CEP290: variants seen among roughly 807,000 people sequenced by gnomAD.
The protein encoded by CEP290 is centrosomal protein 290.
In CEP290, 317 loss-of-function variants were observed where a neutral mutation model predicts 344.9. The ratio of observed to expected loss-of-function variants is 0.92; its 90% CI spans 0.84 to 1.01. The LOEUF (loss-of-function observed/expected upper bound fraction) is 1.01, where lower values mean the gene tolerates loss of function less well. Ranked by LOEUF, CEP290 falls within the 50% of genes least tolerant of loss-of-function variation. The pLI is 0.00. For synonymous variants in CEP290, 932 were observed against 895.8 expected (o/e 1.04, Z -0.72); for missense variants, 2,754 against 2,761.4 (o/e 1.00, Z 0.06).
In CEP290 at chr12:88,071,890, T is replaced by TA. The variant is rs751361090; in HGVS notation, c.5745dup (p.Lys1916Ter). ...CCTTCTATTTTGGCTTGCCACTTTT[T>TA]ACCTTCTTCCCACCTAATTAATTCT... On this transcript the variant is annotated frameshift_variant, in exon 42 of 54. Coordinates refer to ENST00000552810, the MANE Select transcript of CEP290 (RefSeq NM_025114.4). LOFTEE classifies it high-confidence loss of function. The TA allele has an allele frequency of 7.5e-6, 12 of 1,603,450 alleles. No individual in the cohort carries two copies. The South Asian group carries it at 1.4e-4, about 18-fold the overall frequency.
intron 42 of CEP290, 142 bp downstream of exon 42, chr12:88,071,639 A>G: frequency 3.5e-6 from 3 of 855,700 alleles, no homozygotes; most frequent in Non-Finnish European, 3.4e-6. Context: ...TAAAGAAAAT[A>G]AAAAGTAAGT....
Position 88,080,246 on chromosome 12 carries a change from G to A in CEP290, c.5162C>T (p.Thr1721Ile). The A allele has an allele frequency of 1.9e-6, 3 of 1,613,358 alleles. No individual in the cohort carries two copies. Among genetic ancestry groups the A allele is most frequent in the Non-Finnish European group, 1.7e-6 (2 of 1,179,632 alleles). ...QKEANSRAPT[T>I]TMRNLVERLK... is the part of the protein sequence containing the mutation. ...CCGTTCTACTAGATTTCTCATTGTA[G>A]TTGTTGGAGCTCTTGAATTTGCTTC... The change falls in exon 38 of 54, where the codon ACT becomes ATT. Residue 1721 changes from threonine (T) to isoleucine (I), a missense_variant. Coordinates refer to ENST00000552810, the MANE Select transcript of CEP290 (RefSeq NM_025114.4).
Position 88,129,895 on chromosome 12 carries a change from C to A in CEP290, c.670-19G>T. 1 of 1,346,706 alleles carries A rather than the reference C, an allele frequency of 7.4e-7. No homozygotes were observed. Among genetic ancestry groups the A allele is most frequent in the East Asian group, 2.9e-5 (1 of 34,480 alleles). The allele number at this position is 1,346,706 out of a possible 1,614,324, so 83.4% of individuals were successfully genotyped here. On this transcript the variant is annotated intron_variant, in intron 9 of 53. Transcript: ENST00000552810. ...TTAAAGTCTAAAAAAGTTAAAGACACTATAATTAAAAAGTAATTTTAAAAA... is the reference window on the plus strand; with the variant it reads ...TTAAAGTCTAAAAAAGTTAAAGACAATATAATTAAAAAGTAATTTTAAAAA...
At chr12:88,116,065 G>T in intron 18 of CEP290, 1 of 985,156 alleles carries the variant, frequency 1.0e-6, no homozygotes, top group South Asian at 4.7e-5. Flanking sequence ...GCAGATTTTT[G>T]CCTAAGTGAT....
chr12:88,141,098 CCA>C (rs1321872409), intron 2 of CEP290, 65 bp from the exon 3 acceptor site: 10 of 1,354,278 alleles, frequency 7.4e-6, no homozygotes, highest in Non-Finnish European at 9.9e-6. Context: ...AAGAACACTT[CCA>C]GATTGTGACA....
At position 88,086,334 on chromosome 12, in the gene CEP290, G is replaced by A. The variant is rs2036570136; in HGVS notation, c.4302+57C>T. On this transcript the variant is annotated intron_variant, in intron 33 of 53. Transcript: ENST00000552810. ...TACATCTGATACAGGAAATATTTCT[G>A]TGAGTTAACACTCTAGACTATGCTA... 7 of 1,453,912 alleles carry A rather than the reference G, an allele frequency of 4.8e-6. No homozygotes were observed. In the South Asian group the frequency reaches 9.5e-5, roughly 20 times the overall value. 90.1% of individuals were successfully genotyped at this position (1,453,912 alleles called of 1,614,324 possible). A position where few individuals can be genotyped will look rare whatever the true frequency, so the allele number is the denominator to read the frequency against.
intron 12 of CEP290, among the ~76,000 whole-genome samples, 153 bp from the exon 13 acceptor site, chr12:88,125,522 G>A (rs912634830): frequency 6.6e-6 from 1 of 151,782 alleles, no homozygotes; most frequent in African/African-American, 2.4e-5. Context: ...CACTTCAACT[G>A]TAATACACAA....
At chr12:88,119,762 T>C (rs572563247) in intron 15 of CEP290, among the ~76,000 whole-genome samples, 7 of 152,294 alleles carry the variant, frequency 4.6e-5, no homozygotes, top group Admixed American at 1.3e-4. Context: ...CAAGAGCATT[T>C]TGCAAACAAA....
At chr12:88,129,614 A>T in intron 10 of CEP290, 80 bp downstream of exon 10, 1 of 799,228 alleles carries the variant, frequency 1.3e-6, no homozygotes, top group Non-Finnish European at 1.9e-6. Context: ...TCCTAGAAAA[A>T]GTACTTTCTA....
intron 22 of CEP290, among the ~76,000 whole-genome samples, 161 bp downstream of exon 22, chr12:88,111,041 A>G (rs2038651594): frequency 6.6e-6 from 1 of 152,226 alleles, no homozygotes; most frequent in Non-Finnish European, 1.5e-5. Context: ...ACTCAGGAAT[A>G]CATGAAGACT....
chr12:88,054,481 C>A (rs1039324240), intron 50 of CEP290, 68 bp from the exon 51 acceptor site: 3 of 1,191,410 alleles, frequency 2.5e-6, no homozygotes, highest in Non-Finnish European at 3.6e-6. Flanking sequence ...TAAAGATACA[C>A]ATTTTTAACA....
chr12:88,130,194 A>ATAT, intron 9 of CEP290, 74 bp downstream of exon 9: 2 of 1,355,232 alleles, frequency 1.5e-6, no homozygotes, highest in Non-Finnish European at 2.0e-6. Flanking sequence ...GTAGGGCTAA[A>ATAT]TATTATATTT....
chr12:88,058,994 C>T lies in CEP290; in HGVS notation c.6672G>A (p.Arg2224=), dbSNP rs778031524. The T allele has an allele frequency of 1.2e-6, 2 of 1,611,592 alleles. No homozygotes were observed. The highest frequency in any genetic ancestry group is 1.7e-6 in the Non-Finnish European group (2 of 1,179,048). ...KKETDAAEKL[R]IAKNNLEILN... ...ATATCTCTAAATTATTCTTTGCTAT[C>T]CGTAATTTCTCTGCAGCATCAGTTT... The change falls in exon 49 of 54, where the codon CGG becomes CGA. Residue 2224 remains arginine, a synonymous_variant. Coordinates refer to ENST00000552810, the MANE Select transcript of CEP290 (RefSeq NM_025114.4).
rs2136547201 is a variant in CEP290, at chr12:88,049,368, G to A, written c.7256C>T (p.Ser2419Leu). 6.4e-7 allele frequency: 1 copy of A among 1,561,152 alleles called. No individual in the cohort carries two copies. The highest frequency in any genetic ancestry group is 1.2e-5 in the South Asian group (1 of 84,740). Residue 2419 changes from serine (S) to leucine (L), a missense_variant, in exon 54 of 54, where the codon TCA becomes TTA. By Grantham distance (145) the Ser-to-Leu change is moderately radical. Transcript: ENST00000552810. Reference protein sequence around the residue: ...LKKELENFDPSFFEEIEDLKY... With the variant: ...LKKELENFDPLFFEEIEDLKY... ...AAGATCTTCAATTTCTTCAAAAAAT[G>A]AAGGATCAAAATTTTCCAGTTCTTT...
intron 6 of CEP290, among the ~76,000 whole-genome samples, chr12:88,134,413 T>C (rs957095344): frequency 2.6e-5 from 4 of 152,176 alleles, no homozygotes; most frequent in Non-Finnish European, 5.9e-5. Context: ...TTCAATCCAC[T>C]CTCTACAAAG....
intron 5 of CEP290, among the ~76,000 whole-genome samples, 161 bp from the exon 6 acceptor site, chr12:88,136,947 AACTT>A (rs1024728619): frequency 3.9e-5 from 6 of 151,918 alleles, no homozygotes; most frequent in African/African-American, 1.4e-4. Context: ...TTTTTAATTT[AACTT>A]ACTTAAGGTT....
chr12:88,138,128 A>C (rs1565927725), intron 5 of CEP290, among the ~76,000 whole-genome samples: 1 of 152,012 alleles, frequency 6.6e-6, no homozygotes, highest in Non-Finnish European at 1.5e-5. Context: ...AATTATTCCC[A>C]CTATGCCTGT....
intron 46 of CEP290, 69 bp downstream of exon 46, chr12:88,062,623 A>G: frequency 9.9e-7 from 1 of 1,005,594 alleles, no homozygotes; most frequent in Non-Finnish European, 1.5e-6. Flanking sequence ...TTTACAACAT[A>G]TCTAAACTTT....
At position 88,058,914 on chromosome 12, in the gene CEP290, G is replaced by A; in HGVS notation, c.6752C>T (p.Ala2251Val). The A allele has an allele frequency of 1.2e-6, 2 of 1,613,848 alleles. No individual in the cohort carries two copies. Among genetic ancestry groups the A allele is most frequent in the Non-Finnish European group, 1.7e-6 (2 of 1,179,848 alleles). ...TTCAAGCTGTGGACCTCTGCTTTCT[G>A]CAAACTGCAATCTCTTACCAGTCTC... Reference protein sequence around the residue: ...LEETGKRLQFAESRGPQLEGA... With the variant: ...LEETGKRLQFVESRGPQLEGA... The change falls in exon 49 of 54, where the codon GCA (alanine) becomes GTA (valine). Residue 2251 changes from alanine (A) to valine (V), a missense_variant. By Grantham distance (64) the Ala-to-Val change is moderately conservative (BLOSUM62 0). Transcript: ENST00000552810.
Sources: allele counts gnomAD v4.1 joint callset (sites outside exome capture counted in the v4.1 genomes callset), GRCh38; gene constraint gnomAD v4.1.1; transcripts MANE v1.5; gene names NCBI Gene and HGNC (gene_info 2026-07-23, HGNC 2026-07-21).